The following COL21A1 variants were observed in gnomAD, a reference collection of about 807,000 sequenced individuals.
The protein encoded by COL21A1 is collagen type XXI alpha 1 chain.
A neutral mutation model predicts 137.9 loss-of-function variants in COL21A1; 149 were observed. The observed-to-expected ratio is 1.08, with a 90% confidence interval of 0.95 to 1.24. COL21A1 has a LOEUF of 1.24. Ranked by LOEUF, COL21A1 falls within the 50% of genes most tolerant of loss-of-function variation. The pLI is 0.00. For synonymous variants in COL21A1, 456 were observed against 391.5 expected, an observed-to-expected ratio of 1.16 and a Z score of -1.95; for missense variants, 1,167 against 1,158.4, an observed-to-expected ratio of 1.01 and a Z score of -0.11.
At position 56,326,000 on chromosome 6, in the gene COL21A1, A is replaced by ATATAT. The variant is rs1442238485; in HGVS notation, c.-39+67970_-39+67971insATATA. On this transcript the variant is annotated intron_variant, in intron 1 of 28. Transcript: ENST00000370819. ...TATTATATAATATATGTATATACAT[A>ATATAT]CATATATTATGTATATGTATATACA... is the stretch of plus-strand genomic sequence containing the variant. Among the ~76,000 whole-genome samples, 18 of 1,290 alleles carry ATATAT rather than the reference A, an allele frequency of 0.014. 2 individuals are homozygous for ATATAT. The South Asian group carries it at 0.31, about 22-fold the overall frequency. 0.8% of individuals were successfully genotyped at this position (1,290 alleles called of 152,430 possible).
rs746738665 is a variant in COL21A1 at position 56,168,132 on chromosome 6, T to C, written c.1192A>G (p.Thr398Ala). 1 of 1,516,262 alleles carries C rather than the reference T, an allele frequency of 6.6e-7. No individual in the cohort carries two copies. The highest frequency in any genetic ancestry group is 1.4e-5 in the African/African-American group (1 of 72,404). 93.9% of individuals were successfully genotyped at this position (1,516,262 alleles called of 1,614,324 possible). Reference protein sequence around the residue: ...QIGKYSGKEETVQFDVQKLRI... With the variant: ...QIGKYSGKEEAVQFDVQKLRI... Reference sequence around the variant, plus strand: ...AATCATTATTTATCTACCTGAACAGTTTCTTCTTTTCCAGAATATTTTCCA... The same window carrying C: ...AATCATTATTTATCTACCTGAACAGCTTCTTCTTTTCCAGAATATTTTCCA... Residue 398 changes from threonine (T) to alanine (A), a missense_variant, in exon 6 of 30, where the codon ACT becomes GCT. Transcript: ENST00000244728.
At chr6:56,325,284 T>TA (rs1274676009) in intron 1 of COL21A1, among the ~76,000 whole-genome samples, 2 of 28,148 alleles carry the variant, frequency 7.1e-5, no homozygotes, top group African/African-American at 2.6e-4. Flanking sequence ...TTATATAATA[T>TA]TATATTACAT....
At chr6:56,306,430 C>A (rs919261391) in intron 1 of COL21A1, among the ~76,000 whole-genome samples, 18 of 152,114 alleles carry the variant, frequency 1.2e-4, no homozygotes, top group African/African-American at 4.1e-4. Context: ...TTATTCATTT[C>A]TTCTTATTCT....
At position 56,225,790 on chromosome 6, in the gene COL21A1, T is replaced by C. The variant is rs535278111; in HGVS notation, c.-39+21597A>G. 6.6e-5 allele frequency: 10 copies of C among 152,108 alleles called. No individual in the cohort carries two copies. In the East Asian group the frequency reaches 9.7e-4, roughly 15 times the overall value. The allele number at this position is 152,108 out of a possible 1,614,324, so 9.4% of individuals were successfully genotyped here. ...AAAAAGAGTATTTTGAAATTAAGTT[T>C]GAGTAATTCTAGAATGGCAGAAGGT... On this transcript the variant is annotated intron_variant, in intron 1 of 29. Transcript: ENST00000244728.
intron 1 of COL21A1, among the ~76,000 whole-genome samples, chr6:56,269,680 A>G (rs968509420): frequency 2.1e-5 from 3 of 145,736 alleles, no homozygotes; most frequent in African/African-American, 7.5e-5. Flanking sequence ...AAAAAAAAAA[A>G]GAAGTGACAG....
intron 19 of COL21A1, 54 bp downstream of exon 19, chr6:56,075,425 G>A: frequency 1.5e-6 from 2 of 1,365,394 alleles, no homozygotes; most frequent in South Asian, 1.4e-5. Flanking sequence ...CTCCTAGTAG[G>A]TAGTAGCAAC....
intron 1 of COL21A1, among the ~76,000 whole-genome samples, chr6:56,254,875 A>G (rs1046885529): frequency 1.3e-5 from 2 of 152,216 alleles, no homozygotes; most frequent in African/African-American, 4.8e-5. Flanking sequence ...GCTTTAAAAA[A>G]GAAAAAGAAT....
chr6:56,064,743 A>G, intron 23 of COL21A1, 121 bp from the exon 24 acceptor site: 1 of 547,836 alleles, frequency 1.8e-6, no homozygotes, highest in Non-Finnish European at 3.1e-6. Context: ...AGCGATACAA[A>G]TATATAAATT....
chr6:56,343,373 C>A (rs1041227656), intron 1 of COL21A1, among the ~76,000 whole-genome samples: 1 of 152,156 alleles, frequency 6.6e-6, no homozygotes, highest in Admixed American at 6.5e-5. Flanking sequence ...CTAGTCTGTC[C>A]TTGTAAAAAC....
Position 56,163,423 on chromosome 6 carries a change from G to A in COL21A1, c.1371+1000C>T, listed in dbSNP as rs189651940. 5.9e-4 allele frequency among the ~76,000 whole-genome samples: 90 copies of A among 152,232 alleles called. No individual in the cohort carries two copies. The East Asian group carries it at 0.013, about 22-fold the overall frequency. ...GAAGCACAACTTACTTAAAAATTTA[G>A]CCATTTGCTGGGCGCGGTGGCTCAC... On this transcript the variant is annotated intron_variant, in intron 9 of 29. Transcript: ENST00000244728.
At chr6:56,147,073 G>T (rs868331891) in intron 10 of COL21A1, among the ~76,000 whole-genome samples, 1 of 152,048 alleles carries the variant, frequency 6.6e-6, no homozygotes, top group African/African-American at 2.4e-5. Context: ...CCCTGAATTA[G>T]GTTACACTTA....
In COL21A1 at chr6:56,170,636, C is replaced by T. The variant is rs1776960690; in HGVS notation, c.1026+13G>A. ...GAATATCATAATCATGGTATTATCC[C>T]AGGCATCTTTACCTTAACTTGAGGG... On this transcript the variant is annotated intron_variant, in intron 5 of 29. Coordinates refer to ENST00000244728, the MANE Select transcript of COL21A1 (RefSeq NM_030820.4). 1 of 1,551,278 alleles carries T rather than the reference C, an allele frequency of 6.4e-7. No individual in the cohort carries two copies. The highest frequency in any genetic ancestry group is 1.4e-5 in the African/African-American group (1 of 73,874).
At chr6:56,155,244 C>T (rs1775651479) in intron 10 of COL21A1, among the ~76,000 whole-genome samples, 1 of 152,176 alleles carries the variant, frequency 6.6e-6, no homozygotes, top group Admixed American at 6.5e-5. Context: ...AGAGGTTTAC[C>T]TGTTTATCCA....
intron 1 of COL21A1, among the ~76,000 whole-genome samples, chr6:56,388,180 C>T (rs552647183): frequency 2.6e-5 from 4 of 152,298 alleles, no homozygotes; most frequent in African/African-American, 9.6e-5. Flanking sequence ...AAATACACTG[C>T]CCTGAAGGGA....
intron 22 of COL21A1, 155 bp downstream of exon 22, chr6:56,068,891 T>C (rs1766489563): frequency 5.2e-6 from 3 of 572,906 alleles, no homozygotes; most frequent in Non-Finnish European, 9.1e-6. Flanking sequence ...GCTATTAGCA[T>C]GGGGCTGAAC....
chr6:56,160,263 C>G (rs1475157133), intron 9 of COL21A1, among the ~76,000 whole-genome samples: 2 of 152,220 alleles, frequency 1.3e-5, no homozygotes, highest in African/African-American at 4.8e-5. Flanking sequence ...AACAGATTTG[C>G]ATATATTGAG....
At position 56,124,045 on chromosome 6, in the gene COL21A1, T is replaced by A; in HGVS notation, c.1758+17A>T. 2 of 1,493,702 alleles carry A rather than the reference T, an allele frequency of 1.3e-6. No individual in the cohort carries two copies. Among genetic ancestry groups the A allele is most frequent in the South Asian group, 2.7e-5 (2 of 74,450 alleles). 92.5% of individuals were successfully genotyped at this position (1,493,702 alleles called of 1,614,324 possible). On this transcript the variant is annotated intron_variant, in intron 16 of 29. Coordinates refer to ENST00000244728, the MANE Select transcript of COL21A1 (RefSeq NM_030820.4). ...AAAATCTTTTTGTTTTGTCCTTTTT[T>A]TTTTTTTTATAAATACCTTGAAACC...
At chr6:56,248,901 T>G (rs1420374602), upstream of COL21A1, among the ~76,000 whole-genome samples, 1 of 152,126 alleles carries the variant, frequency 6.6e-6, no homozygotes, top group Non-Finnish European at 1.5e-5. Flanking sequence ...TAAGTTAGAC[T>G]CCATCAAAAT....
chr6:56,373,722 C>G (rs1196239561), intron 1 of COL21A1, among the ~76,000 whole-genome samples: 1 of 152,176 alleles, frequency 6.6e-6, no homozygotes, highest in Non-Finnish European at 1.5e-5. Context: ...TTAACATATG[C>G]ATTACCTCAC....
Sources: allele counts gnomAD v4.1 joint callset (sites outside exome capture counted in the v4.1 genomes callset), GRCh38; gene constraint gnomAD v4.1.1; transcripts MANE v1.5; gene names NCBI Gene and HGNC (gene_info 2026-07-23, HGNC 2026-07-21).